Variants in PDZD2 observed in about 807,000 individuals in gnomAD.
The protein encoded by PDZD2 is PDZ domain containing 2.
PDZD2 carries 90 observed loss-of-function variants against 220.7 expected under a neutral mutation model. The ratio of observed to expected loss-of-function variants is 0.41; its 90% CI spans 0.34 to 0.49. The LOEUF (loss-of-function observed/expected upper bound fraction) is 0.49. Ranked by LOEUF, PDZD2 falls within the 20% of genes least tolerant of loss-of-function variation. The pLI, the probability that PDZD2 is intolerant of heterozygous loss-of-function variation, is 0.28. For synonymous variants in PDZD2, 1,375 were observed against 1,450.5 expected (o/e 0.95, Z 1.18); for missense variants, 3,174 against 3,608.5 (o/e 0.88, Z 3.08).
chr5:32,024,398 C>T lies in PDZD2; in HGVS notation c.1408-12833C>T, dbSNP rs138296760. Reference sequence around the variant, plus strand: ...GTGAACAGAAACATGTTCCAATTAACGGGGCCGGGCATGGTGGCTCATCCC... The same window carrying T: ...GTGAACAGAAACATGTTCCAATTAATGGGGCCGGGCATGGTGGCTCATCCC... On this transcript the variant is annotated intron_variant, in intron 6 of 24. Coordinates refer to ENST00000438447, the MANE Select transcript of PDZD2 (RefSeq NM_178140.4). Among the ~76,000 whole-genome samples, 957 of 152,170 alleles carry T rather than the reference C, an allele frequency of 6.3e-3. 8 individuals carry two copies. The highest frequency in any genetic ancestry group is 0.022 in the African/African-American group (906 of 41,534).
chr5:31,753,430 C>T (rs896514471), intron 1 of PDZD2, among the ~76,000 whole-genome samples: 1 of 152,140 alleles, frequency 6.6e-6, no homozygotes, highest in African/African-American at 2.4e-5. Context: ...TGGCAAAACC[C>T]TATCTCTACA....
rs182245941 is a variant in PDZD2 at position 31,694,193 on chromosome 5, A to T, written c.-361+54756A>T. Among the ~76,000 whole-genome samples the T allele has an allele frequency of 1.1e-3, 160 of 152,218 alleles. 2 individuals carry two copies. Among genetic ancestry groups the T allele is most frequent in the Non-Finnish European group, 1.9e-4 (13 of 68,002 alleles). Reference sequence around the variant, plus strand: ...ATCACTTGAGGCCAGGAGTTCCAAGACCAGCCTGGCCAACATGGTGAAACC... The same window carrying T: ...ATCACTTGAGGCCAGGAGTTCCAAGTCCAGCCTGGCCAACATGGTGAAACC... On this transcript the variant is annotated intron_variant, in intron 1 of 24. Coordinates refer to ENST00000438447, the MANE Select transcript of PDZD2 (RefSeq NM_178140.4).
At chr5:31,730,977 C>A (rs1162997012) in intron 1 of PDZD2, among the ~76,000 whole-genome samples, 1 of 152,134 alleles carries the variant, frequency 6.6e-6, no homozygotes, top group Non-Finnish European at 1.5e-5. Context: ...AAATGAATTT[C>A]TTTGCTTAAT....
In PDZD2 at chr5:32,000,034, A is replaced by G. The variant is rs1751975652; in HGVS notation, c.1122-105A>G. ...CCATCACAGTATCCTCTTTAGCCCA[A>G]TCTTAACCGTCCCTCCTCACAACCC... On this transcript the variant is annotated intron_variant, in intron 4 of 24. Coordinates refer to ENST00000438447, the MANE Select transcript of PDZD2 (RefSeq NM_178140.4). This position sits in a 1 kb window ranked among gnomAD's most constrained non-coding sequence, Gnocchi z 4.5. The G allele has an allele frequency of 3.1e-6, 3 of 955,802 alleles. No individual in the cohort carries two copies. Among genetic ancestry groups the G allele is most frequent in the East Asian group, 5.2e-5 (2 of 38,546 alleles). The allele number at this position is 955,802 out of a possible 1,614,324, so 59.2% of individuals were successfully genotyped here.
At chr5:31,937,968 T>C (rs1231403574) in intron 2 of PDZD2, among the ~76,000 whole-genome samples, 2 of 152,254 alleles carry the variant, frequency 1.3e-5, no homozygotes, top group African/African-American at 2.4e-5. Context: ...ATGTGTTTTA[T>C]GTTTTGAAGA....
intron 2 of PDZD2, among the ~76,000 whole-genome samples, chr5:31,869,233 G>A (rs191034124): frequency 9.2e-5 from 14 of 152,304 alleles, no homozygotes; most frequent in East Asian, 5.8e-4. Context: ...GGTCAGCTGT[G>A]CGGGAGGAAC....
At chr5:31,919,858 A>ATT (rs3037133) in intron 2 of PDZD2, among the ~76,000 whole-genome samples, 101,252 of 148,406 alleles carry the variant, frequency 0.68, 35,067 homozygotes, top group Middle Eastern at 0.79. Flanking sequence ...CTAAAAAACA[A>ATT]TTTTTTTTTT....
At chr5:31,660,840 A>G (rs937049595) in intron 1 of PDZD2, among the ~76,000 whole-genome samples, 10 of 152,184 alleles carry the variant, frequency 6.6e-5, no homozygotes, top group African/African-American at 2.4e-4. Context: ...CTCCCCCCTC[A>G]GCCTCCTGAG....
chr5:32,027,134 C>A (rs1754731203), intron 6 of PDZD2, among the ~76,000 whole-genome samples: 1 of 152,240 alleles, frequency 6.6e-6, no homozygotes, highest in Non-Finnish European at 1.5e-5. Flanking sequence ...GAACTCCTGA[C>A]CTCAGGTGCT....
At chr5:31,861,122 T>C (rs959223733) in intron 2 of PDZD2, among the ~76,000 whole-genome samples, 1 of 152,162 alleles carries the variant, frequency 6.6e-6, no homozygotes, top group Admixed American at 6.5e-5. Flanking sequence ...CCTTTTGCTT[T>C]CTCCCTGTGT....
In PDZD2 at chr5:32,108,476, T is replaced by C; in HGVS notation, c.*341T>C. 6.2e-6 allele frequency: 1 copy of C among 161,182 alleles called. No homozygotes were observed. The highest frequency in any genetic ancestry group is 1.4e-5 in the Non-Finnish European group (1 of 73,856). 10.0% of individuals were successfully genotyped at this position (161,182 alleles called of 1,614,324 possible). On this transcript the variant is annotated 3_prime_UTR_variant, in exon 25 of 25. Transcript: ENST00000438447. ...ATTTAGCTAGACCTTTGCTTCCTTC[T>C]TGCCAGCTCTCCCAACATACCCAAT...
chr5:32,022,605 T>C (rs1270910189), intron 6 of PDZD2, among the ~76,000 whole-genome samples: 1 of 151,976 alleles, frequency 6.6e-6, no homozygotes, highest in East Asian at 1.9e-4. Context: ...CTTCTGGGGA[T>C]CAGTAGGGGT....
intron 14 of PDZD2, among the ~76,000 whole-genome samples, chr5:32,065,591 A>G (rs1040435890): frequency 6.6e-6 from 1 of 152,198 alleles, no homozygotes; most frequent in African/African-American, 2.4e-5. Context: ...CTATGTCTTG[A>G]TCTGGGGATG....
chr5:31,728,933 C>A (rs757650306), intron 1 of PDZD2, among the ~76,000 whole-genome samples: 2 of 152,140 alleles, frequency 1.3e-5, no homozygotes, highest in African/African-American at 2.4e-5. Flanking sequence ...CAACTCACTG[C>A]AACCTGTGCC....
At chr5:31,927,044 A>T (rs1198731095) in intron 2 of PDZD2, among the ~76,000 whole-genome samples, 2 of 152,216 alleles carry the variant, frequency 1.3e-5, no homozygotes, top group African/African-American at 4.8e-5. Context: ...AAATATGGCA[A>T]CAATAGATGC....
At chr5:31,694,634 A>G (rs1195719115) in intron 1 of PDZD2, among the ~76,000 whole-genome samples, 2 of 152,054 alleles carry the variant, frequency 1.3e-5, no homozygotes, top group African/African-American at 4.8e-5. Flanking sequence ...AGGAAATGGG[A>G]CTGGGCACTC....
Position 32,087,840 on chromosome 5 carries a change from T to A in PDZD2, c.4392T>A (p.Ala1464=). The change falls in exon 20 of 25, where the codon GCT becomes GCA. Residue 1464 remains alanine, a synonymous_variant. Transcript: ENST00000438447. This position sits in a 1 kb window ranked among gnomAD's most constrained non-coding sequence, Gnocchi z 4.0. ...GSAQGHPPAG[A]GGGSSCRAEP... ...CTCAGGGCCACCCACCAGCCGGGGC[T>A]GGAGGTGGGAGCTCCTGCCGTGCCG... The A allele has an allele frequency of 6.2e-7, 1 of 1,611,714 alleles. No homozygotes were observed. The highest frequency in any genetic ancestry group is 8.5e-7 in the Non-Finnish European group (1 of 1,179,188).
intron 2 of PDZD2, chr5:31,923,323 G>A: frequency 4.0e-6 from 3 of 744,960 alleles, no homozygotes; most frequent in Non-Finnish European, 7.2e-6. Flanking sequence ...TCCCGATGCG[G>A]TGGTTGCTGT....
At position 31,822,536 on chromosome 5, in the gene PDZD2, G is replaced by A. The variant is rs1580826460; in HGVS notation, c.476+22812G>A. ...AGGAAGCATCCGGCATCTTGTTTCT[G>A]TAGCTGGACAACTCTTAGATCTTAT... On this transcript the variant is annotated intron_variant, in intron 2 of 24. Transcript: ENST00000438447. 7.2e-6 allele frequency: 5 copies of A among 693,918 alleles called. No individual in the cohort carries two copies. In the African/African-American group the frequency reaches 8.9e-5, roughly 12 times the overall value. The allele number at this position is 693,918 out of a possible 1,614,324, so 43.0% of individuals were successfully genotyped here. A position where few individuals can be genotyped will look rare whatever the true frequency, so the allele number is the denominator to read the frequency against.
Sources: gnomAD v4.1 joint callset for allele counts (sites outside exome capture counted in the v4.1 genomes callset) on GRCh38, gnomAD v4.1.1 for gene constraint, Gnocchi (gnomAD v3.1) non-coding constraint, MANE v1.5 for transcripts, NCBI Gene and HGNC (gene_info 2026-07-23, HGNC 2026-07-21) for gene names.